NRG3: variants seen among roughly 807,000 people sequenced by gnomAD.
NRG3 encodes pro-neuregulin-3, membrane-bound isoform.
A neutral mutation model predicts 66.9 loss-of-function variants in NRG3; 31 were observed. The observed-to-expected ratio is 0.46, with a 90% CI of 0.35 to 0.63. NRG3 has a LOEUF of 0.63. Among genes scored for constraint, NRG3 ranks in the 20% least tolerant of loss-of-function variants. The probability of loss-of-function intolerance (pLI) is 0.00; values close to 1 mark genes in which losing one functional copy is unlikely to be tolerated. For synonymous variants in NRG3, 393 were observed against 359.4 expected (o/e 1.09, Z -1.06); for missense variants, 910 against 878.9 (o/e 1.04, Z -0.45).
chr10:82,231,779 T>C (rs1313353268), intron 1 of NRG3, among the ~76,000 whole-genome samples: 1 of 152,168 alleles, frequency 6.6e-6, no homozygotes, highest in Non-Finnish European at 1.5e-5. Context: ...CACTAAAACA[T>C]GATTGATTTC....
At chr10:82,455,043 G>A (rs180756892) in intron 2 of NRG3, among the ~76,000 whole-genome samples, 5 of 152,204 alleles carry the variant, frequency 3.3e-5, no homozygotes, top group Admixed American at 3.3e-4. Context: ...TGGAGGGACT[G>A]GAATTTGAAC....
chr10:82,082,065 C>G (rs959047916), intron 1 of NRG3, among the ~76,000 whole-genome samples: 15 of 152,160 alleles, frequency 9.9e-5, no homozygotes, highest in Non-Finnish European at 1.8e-4. Flanking sequence ...TGTCAAACAT[C>G]TTTTTAAATG....
In NRG3 at chr10:81,875,214, C is replaced by T. The variant is rs1401816508; in HGVS notation, c.-127C>T. 3 of 389,180 alleles carry T rather than the reference C, an allele frequency of 7.7e-6. No individual in the cohort carries two copies. The highest frequency in any genetic ancestry group is 6.7e-5 in the Admixed American group (1 of 14,914). 24.1% of individuals were successfully genotyped at this position (389,180 alleles called of 1,614,324 possible). A position where few individuals can be genotyped will look rare whatever the true frequency, so the allele number is the denominator to read the frequency against. Reference sequence around the variant, plus strand: ...GGAGCGGATTTGCATGCGGCCGCCGCGGCCGCTGCCTGCGCCCGAGCCCGC... The same window carrying T: ...GGAGCGGATTTGCATGCGGCCGCCGTGGCCGCTGCCTGCGCCCGAGCCCGC... On this transcript the variant is annotated 5_prime_UTR_variant, in exon 1 of 9. Transcript: ENST00000372141. This position sits in a 1 kb window ranked among gnomAD's most constrained non-coding sequence, Gnocchi z 5.3.
intron 1 of NRG3, among the ~76,000 whole-genome samples, chr10:81,919,814 A>G (rs572738836): frequency 3.4e-4 from 52 of 152,182 alleles, no homozygotes; most frequent in Middle Eastern, 3.4e-3. Flanking sequence ...CTGAGGGGCA[A>G]TTACACAAGC....
chr10:82,220,320 AAAAGGT>A (rs1306959256), intron 1 of NRG3, among the ~76,000 whole-genome samples: 1 of 152,122 alleles, frequency 6.6e-6, no homozygotes, highest in Admixed American at 6.6e-5. Flanking sequence ...TATAGCAACT[AAAAGGT>A]CTTAGGAAGG....
chr10:82,954,248 A>T (rs1159318332), intron 5 of NRG3, among the ~76,000 whole-genome samples: 2 of 152,012 alleles, frequency 1.3e-5, no homozygotes, highest in African/African-American at 4.8e-5. Context: ...TTATTTTTAC[A>T]GTATAATGTG....
intron 7 of NRG3, among the ~76,000 whole-genome samples, chr10:82,974,129 T>C (rs556564887): frequency 6.6e-6 from 1 of 151,416 alleles, no homozygotes; most frequent in Non-Finnish European, 1.5e-5. Context: ...AGAAACCTGA[T>C]AGAACTATAG....
intron 4 of NRG3, among the ~76,000 whole-genome samples, chr10:82,936,575 A>G (rs935786591): frequency 2.6e-5 from 4 of 152,100 alleles, no homozygotes; most frequent in South Asian, 4.1e-4. Context: ...GATATTTTGT[A>G]TTGTTGAAAA....
chr10:82,865,995 A>G (rs1376452477), intron 4 of NRG3, among the ~76,000 whole-genome samples: 1 of 152,192 alleles, frequency 6.6e-6, no homozygotes, highest in Non-Finnish European at 1.5e-5. Context: ...TGAATGGTGT[A>G]TGTTTCAAAG....
chr10:82,484,271 T>A (rs1384029741), intron 2 of NRG3, among the ~76,000 whole-genome samples: 1 of 152,206 alleles, frequency 6.6e-6, no homozygotes, highest in East Asian at 1.9e-4. Flanking sequence ...TCAGAATTAA[T>A]CTAAGATGGT....
chr10:82,514,958 G>T (rs965171654), intron 2 of NRG3, among the ~76,000 whole-genome samples: 3 of 152,070 alleles, frequency 2.0e-5, no homozygotes, highest in African/African-American at 7.2e-5. Context: ...GTTCATCTAT[G>T]TCTTCCTAAG....
intron 4 of NRG3, among the ~76,000 whole-genome samples, chr10:82,928,005 G>A (rs923485216): frequency 6.6e-6 from 1 of 152,166 alleles, no homozygotes; most frequent in Non-Finnish European, 1.5e-5. Context: ...TCCAGCATCT[G>A]TTGTTTCCTA....
intron 3 of NRG3, among the ~76,000 whole-genome samples, chr10:82,806,870 G>A (rs1158666260): frequency 6.6e-6 from 1 of 152,120 alleles, no homozygotes; most frequent in African/African-American, 2.4e-5. Flanking sequence ...GGCACCATCT[G>A]CATGTAACCC....
chr10:82,165,226 A>C (rs1167690320), intron 1 of NRG3, among the ~76,000 whole-genome samples: 1 of 152,008 alleles, frequency 6.6e-6, no homozygotes, highest in Non-Finnish European at 1.5e-5. Flanking sequence ...TTTTTTTTCT[A>C]GAACAAATTT....
Position 82,799,298 on chromosome 10 carries a change from C to T in NRG3, c.1027+60648C>T, listed in dbSNP as rs544337146. 4.9e-4 allele frequency among the ~76,000 whole-genome samples: 74 copies of T among 152,036 alleles called. 1 individual carries two copies. The South Asian group carries it at 0.011, about 23-fold the overall frequency. On this transcript the variant is annotated intron_variant, in intron 3 of 8. Transcript: ENST00000372141. The stretch of plus-strand genomic sequence containing the variant: ...ATCCTAGCACTTTGAGAGGCCAAGG[C>T]GGGCGGATCACCGAAGTCAGGAGTT...
intron 1 of NRG3, among the ~76,000 whole-genome samples, chr10:82,199,824 TC>T (rs544236902): frequency 2.0e-3 from 311 of 152,060 alleles, no homozygotes; most frequent in African/African-American, 7.2e-3. Flanking sequence ...TCTTTTTTTT[TC>T]ATACAGTTTA....
chr10:82,440,547 G>A (rs1306360931), intron 2 of NRG3, among the ~76,000 whole-genome samples: 1 of 151,600 alleles, frequency 6.6e-6, no homozygotes, highest in Non-Finnish European at 1.5e-5. Flanking sequence ...ATGTAATTGA[G>A]ATTCAGAAGC....
At chr10:82,142,549 A>G (rs889507030) in intron 1 of NRG3, among the ~76,000 whole-genome samples, 3 of 152,122 alleles carry the variant, frequency 2.0e-5, no homozygotes, top group African/African-American at 7.2e-5. Context: ...AGAGTGGGGT[A>G]TCGAGAAGCA....
intron 1 of NRG3, among the ~76,000 whole-genome samples, chr10:82,107,688 C>G (rs898452327): frequency 6.6e-6 from 1 of 152,134 alleles, no homozygotes; most frequent in Non-Finnish European, 1.5e-5. Flanking sequence ...TTGCACGGGG[C>G]TAGTCATTTA....
Sources: allele counts gnomAD v4.1 joint callset (sites outside exome capture counted in the v4.1 genomes callset), GRCh38; gene constraint gnomAD v4.1.1; non-coding constraint Gnocchi (gnomAD v3.1); transcripts MANE v1.5; gene names NCBI Gene and HGNC (gene_info 2026-07-23, HGNC 2026-07-21).